STAB2: variants seen among roughly 807,000 people sequenced by gnomAD.
The protein encoded by STAB2 is stabilin 2, also known as stabilin-2.
Under a neutral mutation model 338.1 loss-of-function variants are expected in STAB2, and 288 were observed. The observed-to-expected ratio is 0.85, with a 90% confidence interval of 0.77 to 0.94. STAB2 has a LOEUF of 0.94. Ranked by LOEUF, STAB2 falls within the 40% of genes least tolerant of loss-of-function variation. The probability of loss-of-function intolerance (pLI) is 0.00; values close to 1 mark genes in which losing one functional copy is unlikely to be tolerated. For missense variants in STAB2, 3,141 were observed against 3,210.1 expected, an observed-to-expected ratio of 0.98 and a Z score of 0.52; for synonymous variants, 1,202 against 1,193.3, an observed-to-expected ratio of 1.01 and a Z score of -0.15.
intron 21 of STAB2, among the ~76,000 whole-genome samples, chr12:103,669,834 G>A (rs1244720099): frequency 1.3e-5 from 2 of 152,218 alleles, no homozygotes; most frequent in Non-Finnish European, 2.9e-5. Context: ...GTTGCCTCTA[G>A]TCTGCTTCTC....
At chr12:103,745,301 G>T in intron 57 of STAB2, 24 bp downstream of exon 57, 2 of 1,606,022 alleles carry the variant, frequency 1.2e-6, no homozygotes, top group Non-Finnish European at 1.7e-6. Flanking sequence ...GTGGTCAGCT[G>T]CTGGCAGCCC....
chr12:103,761,484 C>T, intron 66 of STAB2, 74 bp downstream of exon 66: 4 of 1,322,962 alleles, frequency 3.0e-6, no homozygotes, highest in Non-Finnish European at 3.2e-6. Context: ...AAACCATTAC[C>T]AGAAGCCCTG....
At position 103,739,444 on chromosome 12, in the gene STAB2, C is replaced by A; in HGVS notation, c.5730C>A (p.Ser1910Arg). The A allele has an allele frequency of 1.9e-6, 3 of 1,595,166 alleles. No individual in the cohort carries two copies. The highest frequency in any genetic ancestry group is 2.6e-6 in the Non-Finnish European group (3 of 1,170,888). Residue 1910 changes from serine (S) to arginine (R), a missense_variant, in exon 54 of 69, where the codon AGC (serine) becomes AGA (arginine). Ser to Arg is a moderately radical substitution (Grantham distance 110). Coordinates refer to ENST00000388887, the MANE Select transcript of STAB2 (RefSeq NM_017564.10). ...GTGGGAGCTGTGTCAATACTCCCAGCTGCCCAAGGTGGAGTAAACCAAAGG... is the reference window on the plus strand; with the variant it reads ...GTGGGAGCTGTGTCAATACTCCCAGATGCCCAAGGTGGAGTAAACCAAAGG... ...GECGSCVNTPSCPRWSKPKGV... is the reference protein window; with the variant it reads ...GECGSCVNTPRCPRWSKPKGV...
chr12:103,668,130 A>G (rs939309185), intron 19 of STAB2, among the ~76,000 whole-genome samples: 4 of 152,256 alleles, frequency 2.6e-5, no homozygotes, highest in Non-Finnish European at 4.4e-5. Context: ...CTCAGTAAAC[A>G]TGAGTTCTAG....
intron 65 of STAB2, among the ~76,000 whole-genome samples, chr12:103,761,092 T>C (rs1488672052): frequency 6.6e-6 from 1 of 152,178 alleles, no homozygotes; most frequent in Non-Finnish European, 1.5e-5. Context: ...CATAAGGTTC[T>C]CTGCAGCCCT....
chr12:103,678,219 A>G (rs539488510), intron 25 of STAB2, among the ~76,000 whole-genome samples: 21 of 152,336 alleles, frequency 1.4e-4, no homozygotes, highest in African/African-American at 4.8e-4. Flanking sequence ...TATCTTTTGA[A>G]TCTTGATACA....
At chr12:103,676,742 G>T (rs1338293572) in intron 24 of STAB2, among the ~76,000 whole-genome samples, 1 of 152,090 alleles carries the variant, frequency 6.6e-6, no homozygotes, top group African/African-American at 2.4e-5. Context: ...CCTTACCTAT[G>T]GTTTAGTAAC....
chr12:103,713,690 G>T lies in STAB2; in HGVS notation c.4459G>T (p.Asp1487Tyr). 6 of 1,614,128 alleles carry T rather than the reference G, an allele frequency of 3.7e-6. 1 individual carries two copies. Among genetic ancestry groups the T allele is most frequent in the Middle Eastern group, 1.6e-4 (1 of 6,062 alleles). ...ISNGGCSAKA[D>Y]CKRTTPGRRV... ...CAATGGAGGTTGCTCTGCCAAGGCT[G>T]ACTGTAAGAGAACCACCCCAGGAAG... The change falls in exon 42 of 69, where the codon GAC (aspartate) becomes TAC (tyrosine). Residue 1487 changes from aspartate to tyrosine, a missense_variant. Asp to Tyr is a radical substitution (Grantham distance 160, BLOSUM62 -3). Coordinates refer to ENST00000388887, the MANE Select transcript of STAB2 (RefSeq NM_017564.10).
At chr12:103,724,611 G>T (rs1333019868) in intron 44 of STAB2, among the ~76,000 whole-genome samples, 1 of 152,146 alleles carries the variant, frequency 6.6e-6, no homozygotes, top group Non-Finnish European at 1.5e-5. Flanking sequence ...CTCTGATAAT[G>T]GTTACCTTTT....
In STAB2 at chr12:103,640,233, C is replaced by G. The variant is rs1872820883; in HGVS notation, c.1017C>G (p.Thr339=). The change falls in exon 9 of 69, where the codon ACC becomes ACG. Residue 339 remains threonine (T), a synonymous_variant. Transcript: ENST00000388887. ...CGTGTCATAGGAATGCAAATTGCAC[C>G]ACCGTCGCACCAGGCCGAACTGAGT... ...DNPCHRNANC[T]TVAPGRTECI... 4.3e-6 allele frequency: 7 copies of G among 1,613,340 alleles called. No individual in the cohort carries two copies. Among genetic ancestry groups the G allele is most frequent in the Non-Finnish European group, 5.9e-6 (7 of 1,179,518 alleles).
chr12:103,720,402 C>T (rs1237310084), intron 44 of STAB2, among the ~76,000 whole-genome samples: 1 of 152,108 alleles, frequency 6.6e-6, no homozygotes, highest in Non-Finnish European at 1.5e-5. Context: ...ACAGGAAGAC[C>T]CAAATCATAT....
chr12:103,684,856 A>C, intron 26 of STAB2, 133 bp from the exon 27 acceptor site: 2 of 705,062 alleles, frequency 2.8e-6, no homozygotes, highest in Non-Finnish European at 2.5e-6. Context: ...TAAAGGGTCT[A>C]TGGGTTACTT....
intron 22 of STAB2, 69 bp downstream of exon 22, chr12:103,670,876 TG>T: frequency 2.3e-6 from 3 of 1,322,734 alleles, no homozygotes; most frequent in Non-Finnish European, 3.2e-6. Flanking sequence ...AGCAGGGTGC[TG>T]GTGCAGGGCT....
At chr12:103,709,259 C>T (rs914371263) in intron 39 of STAB2, among the ~76,000 whole-genome samples, 7 of 152,096 alleles carry the variant, frequency 4.6e-5, no homozygotes, top group Admixed American at 3.3e-4. Flanking sequence ...AAGCTCAACA[C>T]ATTTAGGGAA....
At chr12:103,743,627 A>G (rs914061748) in intron 56 of STAB2, among the ~76,000 whole-genome samples, 2 of 152,222 alleles carry the variant, frequency 1.3e-5, no homozygotes, top group African/African-American at 2.4e-5. Flanking sequence ...TATGGTAGCC[A>G]CTAGGCACAT....
At chr12:103,657,477 A>C (rs1054239535) in intron 15 of STAB2, 3 of 152,188 alleles carry the variant, frequency 2.0e-5, no homozygotes, top group African/African-American at 7.2e-5. Context: ...CCTCCCTTGT[A>C]ACTCCTTCCA....
rs10558320 is a variant in STAB2, at chr12:103,737,574, T to TTCTCTC, written c.5551-38_5551-33dup. The TTCTCTC allele has an allele frequency of 7.5e-4, 765 of 1,017,046 alleles. 4 individuals are homozygous for TTCTCTC. The highest frequency in any genetic ancestry group is 4.5e-3 in the African/African-American group (247 of 54,936). 63.0% of individuals were successfully genotyped at this position (1,017,046 alleles called of 1,614,324 possible). On this transcript the variant is annotated intron_variant, in intron 52 of 68. Transcript: ENST00000388887. ...GAGATGTGTGAAAGAGATTGACTGT[T>TTCTCTC]TCTCTCTCTCTCTCTCTCTCTCTCT...
Position 103,725,038 on chromosome 12 carries a change from A to G in STAB2, c.4747A>G (p.Thr1583Ala). 1 of 1,614,080 alleles carries G rather than the reference A, an allele frequency of 6.2e-7. No individual in the cohort carries two copies. The change falls in exon 45 of 69, where the codon ACT (threonine) becomes GCT (alanine). Residue 1583 changes from threonine to alanine, a missense_variant. By Grantham distance (58) the Thr-to-Ala change is moderately conservative (BLOSUM62 0). Coordinates refer to ENST00000388887, the MANE Select transcript of STAB2 (RefSeq NM_017564.10). ...NHTGQVERTC[T>A]CKPNYIGDGF... Reference sequence around the variant, plus strand: ...CACTGGGCAAGTAGAAAGGACTTGTACTTGCAAGCCAAACTACATTGGAGA... The same window carrying G: ...CACTGGGCAAGTAGAAAGGACTTGTGCTTGCAAGCCAAACTACATTGGAGA...
At chr12:103,641,177 G>T (rs703623) in intron 9 of STAB2, among the ~76,000 whole-genome samples, 80,399 of 151,978 alleles carry the variant, frequency 0.53, 21,953 homozygotes, top group Non-Finnish European at 0.6. Context: ...TCATCTTTTG[G>T]GAAGTTCACG....
Sources: allele counts gnomAD v4.1 joint callset (sites outside exome capture counted in the v4.1 genomes callset), GRCh38; gene constraint gnomAD v4.1.1; transcripts MANE v1.5; gene names NCBI Gene and HGNC (gene_info 2026-07-23, HGNC 2026-07-21).